The following TLN2 variants were observed in gnomAD, a reference collection of about 807,000 sequenced individuals.
TLN2 encodes talin 2, also known as talin-2.
TLN2 carries 118 observed loss-of-function variants against 294.7 expected under a neutral mutation model. The ratio of observed to expected loss-of-function variants is 0.40; its 90% CI spans 0.34 to 0.47. The LOEUF (loss-of-function observed/expected upper bound fraction) is 0.47, where lower values mean the gene tolerates loss of function less well. Ranked by LOEUF, TLN2 falls within the 20% of genes least tolerant of loss-of-function variation. The pLI is 0.84. For synonymous variants in TLN2, 1,431 were observed against 1,304.5 expected (o/e 1.10, Z -2.09); for missense variants, 3,083 against 3,282.2 (o/e 0.94, Z 1.48).
rs1415062741 is a variant in TLN2 at position 62,750,413 on chromosome 15, G to A, written c.4131G>A (p.Gly1377=). The A allele has an allele frequency of 3.1e-6, 5 of 1,614,112 alleles. No individual in the cohort carries two copies. The highest frequency in any genetic ancestry group is 3.3e-4 in the Middle Eastern group (2 of 6,062). Residue 1377 remains glycine, a synonymous_variant, in exon 34 of 59, where the codon GGG becomes GGA. Coordinates refer to ENST00000636159, the MANE Select transcript of TLN2 (RefSeq NM_015059.3). ...TTCTTCTTCTGTAGACTGTGAAGGGGATGTTGGACAATCCTAATGAACCTG... is the reference window on the plus strand; with the variant it reads ...TTCTTCTTCTGTAGACTGTGAAGGGAATGTTGGACAATCCTAATGAACCTG... ...NALRELETVK[G]MLDNPNEPVS...
At chr15:62,790,870 C>T (rs751955007) in intron 45 of TLN2, among the ~76,000 whole-genome samples, 1 of 152,256 alleles carries the variant, frequency 6.6e-6, no homozygotes, top group South Asian at 2.1e-4. Context: ...TACTACTACA[C>T]CAGTCCAGAT....
rs1052044367 is a variant in TLN2 at position 62,701,233 on chromosome 15, T to G, written c.1696+19T>G. ...ACAGCTGGTAAGTCCCGGAGAGATT[T>G]GTGCTGCATTGGGGTTTTGTTTAAA... On this transcript the variant is annotated intron_variant, in intron 17 of 58. Coordinates refer to ENST00000636159, the MANE Select transcript of TLN2 (RefSeq NM_015059.3). The G allele has an allele frequency of 2.5e-6, 4 of 1,579,888 alleles. No individual in the cohort carries two copies. In the African/African-American group the frequency reaches 5.4e-5, roughly 21 times the overall value.
chr15:62,549,298 GTTTA>G (rs565276206), intron 1 of TLN2, among the ~76,000 whole-genome samples: 163 of 152,290 alleles, frequency 1.1e-3, no homozygotes, highest in Non-Finnish European at 5.0e-4. Flanking sequence ...GATCGCTGAA[GTTTA>G]TTTATTATTA....
intron 43 of TLN2, 84 bp downstream of exon 43, chr15:62,776,994 C>T: frequency 2.4e-6 from 3 of 1,255,594 alleles, no homozygotes; most frequent in Non-Finnish European, 3.1e-6. Flanking sequence ...TGTCAAGGCT[C>T]ATAGCAACAA....
intron 9 of TLN2, among the ~76,000 whole-genome samples, chr15:62,673,058 A>G (rs918691912): frequency 7.3e-5 from 7 of 95,628 alleles, no homozygotes; most frequent in African/African-American, 2.5e-4. Flanking sequence ...ATATAATGTA[A>G]TATCCTAATT....
intron 1 of TLN2, among the ~76,000 whole-genome samples, chr15:62,406,958 T>C (rs1439115332): frequency 6.6e-6 from 1 of 152,170 alleles, no homozygotes; most frequent in African/African-American, 2.4e-5. Context: ...CTTTAACATA[T>C]TTTTTGGGAT....
intron 28 of TLN2, among the ~76,000 whole-genome samples, chr15:62,728,694 T>C (rs2060565059): frequency 6.6e-6 from 1 of 152,200 alleles, no homozygotes; most frequent in African/African-American, 2.4e-5. Context: ...TTGGCCATTT[T>C]GTGAAGTGTG....
chr15:62,486,475 T>G (rs2038409136), intron 1 of TLN2, among the ~76,000 whole-genome samples: 1 of 136,912 alleles, frequency 7.3e-6, no homozygotes, highest in Admixed American at 7.1e-5. Context: ...TTTTTTTTTT[T>G]GCCATTCACA....
At chr15:62,664,751 G>C (rs1011709876) in intron 9 of TLN2, among the ~76,000 whole-genome samples, 1 of 149,226 alleles carries the variant, frequency 6.7e-6, no homozygotes, top group Admixed American at 6.8e-5. Flanking sequence ...CCAGCTACTC[G>C]GGAGGCTGAG....
intron 45 of TLN2, among the ~76,000 whole-genome samples, chr15:62,785,196 A>G (rs1277585284): frequency 1.3e-5 from 2 of 152,164 alleles, no homozygotes; most frequent in Non-Finnish European, 2.9e-5. Flanking sequence ...GTTATCAGAT[A>G]CCCACATTAA....
At chr15:62,633,245 A>C (rs1596413348) in intron 3 of TLN2, among the ~76,000 whole-genome samples, 1 of 152,190 alleles carries the variant, frequency 6.6e-6, no homozygotes, top group East Asian at 1.9e-4. Context: ...TAATGTATAC[A>C]TATGCATATG....
At chr15:62,456,063 C>CT (rs1055459347) in intron 1 of TLN2, among the ~76,000 whole-genome samples, 26 of 147,490 alleles carry the variant, frequency 1.8e-4, no homozygotes, top group Non-Finnish European at 5.9e-5. Flanking sequence ...GAGTAAGACT[C>CT]TTAAAAAAAA....
At chr15:62,716,642 C>T (rs2140904358) in intron 23 of TLN2, among the ~76,000 whole-genome samples, 183 bp downstream of exon 23, 1 of 152,324 alleles carries the variant, frequency 6.6e-6, no homozygotes, top group South Asian at 2.1e-4. Context: ...CTTCCGTAAG[C>T]TCGAATCCTT....
intron 1 of TLN2, among the ~76,000 whole-genome samples, chr15:62,455,646 T>C (rs951417360): frequency 6.6e-6 from 1 of 152,222 alleles, no homozygotes; most frequent in Non-Finnish European, 1.5e-5. Context: ...AACCCTTTGG[T>C]GGCCAAATCT....
At chr15:62,520,072 C>T (rs1298126411) in intron 1 of TLN2, among the ~76,000 whole-genome samples, 1 of 152,192 alleles carries the variant, frequency 6.6e-6, no homozygotes, top group Non-Finnish European at 1.5e-5. Context: ...TCTTGTGAGA[C>T]TTATTCACTA....
intron 1 of TLN2, among the ~76,000 whole-genome samples, chr15:62,586,289 C>T (rs966375267): frequency 2.6e-5 from 4 of 152,156 alleles, no homozygotes; most frequent in Non-Finnish European, 5.9e-5. Context: ...TAAGTTAAGT[C>T]TCATGATTGC....
intron 3 of TLN2, among the ~76,000 whole-genome samples, chr15:62,634,009 AC>A (rs1478898951): frequency 2.0e-5 from 3 of 152,170 alleles, no homozygotes; most frequent in Non-Finnish European, 4.4e-5. Context: ...TCTTATAAGG[AC>A]AACGGTCAAT....
rs548881713 is a variant in TLN2, at chr15:62,722,149, C to CT, written c.2992-197dup. ...ACCCTCCATGACACCTCCTTTTTTT[C>CT]TTTTTTTAAACATTCCTAGAAGGTA... On this transcript the variant is annotated intron_variant, in intron 25 of 58. Coordinates refer to ENST00000636159, the MANE Select transcript of TLN2 (RefSeq NM_015059.3). Among the ~76,000 whole-genome samples the CT allele has an allele frequency of 1.2e-4, 19 of 152,138 alleles. No homozygotes were observed. In the East Asian group the frequency reaches 3.1e-3, roughly 25 times the overall value.
chr15:62,400,516 A>T (rs2032938252), intron 1 of TLN2, among the ~76,000 whole-genome samples: 1 of 152,242 alleles, frequency 6.6e-6, no homozygotes, highest in Admixed American at 6.5e-5. Flanking sequence ...GTGAGAATTC[A>T]TGGGTATCAT....
Sources: gnomAD v4.1 joint callset for allele counts (sites outside exome capture counted in the v4.1 genomes callset) on GRCh38, gnomAD v4.1.1 for gene constraint, MANE v1.5 for transcripts, NCBI Gene and HGNC (gene_info 2026-07-23, HGNC 2026-07-21) for gene names.